The following NLRP5 variants were observed in gnomAD, a reference collection of about 807,000 sequenced individuals.
The protein encoded by NLRP5 is NLR family pyrin domain containing 5.
NLRP5 carries 93 observed loss-of-function variants against 113.1 expected under a neutral mutation model. The ratio of observed to expected loss-of-function variants is 0.82; its 90% CI spans 0.70 to 0.98. NLRP5 has a LOEUF of 0.98. NLRP5 is among the 50% of genes least tolerant of loss of function. The probability of loss-of-function intolerance (pLI) is 0.00; values close to 1 mark genes in which losing one functional copy is unlikely to be tolerated. For missense variants in NLRP5, 1,808 were observed against 1,514.3 expected (o/e 1.19, Z -3.22); for synonymous variants, 751 against 600.7 (o/e 1.25, Z -3.66).
At chr19:56,061,270 TG>T in intron 14 of NLRP5, 125 bp from the exon 15 acceptor site, 1 of 940,908 alleles carries the variant, frequency 1.1e-6, no homozygotes, top group Non-Finnish European at 1.5e-6. Flanking sequence ...TTTAACTCTT[TG>T]GGGCACGTTC....
At chr19:56,048,979 A>T (rs1268883333) in intron 11 of NLRP5, among the ~76,000 whole-genome samples, 190 of 94,940 alleles carry the variant, frequency 2.0e-3, no homozygotes, top group African/African-American at 6.0e-3. Flanking sequence ...TTTTTTTTTA[A>T]TTTTTTTTTT....
chr19:56,043,866 C>G (rs890078654), intron 11 of NLRP5, among the ~76,000 whole-genome samples: 2 of 151,576 alleles, frequency 1.3e-5, no homozygotes, highest in African/African-American at 2.4e-5. Flanking sequence ...CGTGAGCCAC[C>G]ACGCCTGGCC....
At position 56,053,898 on chromosome 19, in the gene NLRP5, C is replaced by G. The variant is rs145154491; in HGVS notation, c.3299+90C>G. On this transcript the variant is annotated intron_variant, in intron 13 of 14. Transcript: ENST00000390649. ...TTGCTTGAACAGGGATGATGATGAT[C>G]TGGTTTCCATGAGTCCCTCAAGTTA... 1,016 of 1,241,784 alleles carry G rather than the reference C, an allele frequency of 8.2e-4. 4 individuals are homozygous for G. In the African/African-American group the frequency reaches 0.01, roughly 12 times the overall value. 76.9% of individuals were successfully genotyped at this position (1,241,784 alleles called of 1,614,324 possible).
intron 11 of NLRP5, among the ~76,000 whole-genome samples, chr19:56,042,127 A>G (rs1018657257): frequency 6.6e-6 from 1 of 152,204 alleles, no homozygotes; most frequent in Non-Finnish European, 1.5e-5. Flanking sequence ...CACATGCATG[A>G]CCAGGAAGGA....
the NLRP5 span, among the ~76,000 whole-genome samples, chr19:55,992,416 T>C: frequency 6.6e-6 from 1 of 152,226 alleles, no homozygotes; most frequent in African/African-American, 2.4e-5. Context: ...CCAACGCTAC[T>C]GCTTTTAGCT....
chr19:56,024,404 A>G (rs945089786), intron 6 of NLRP5, among the ~76,000 whole-genome samples: 2 of 126,170 alleles, frequency 1.6e-5, no homozygotes, highest in African/African-American at 6.1e-5. Flanking sequence ...ACATATATGT[A>G]CATATATGTA....
intron 6 of NLRP5, among the ~76,000 whole-genome samples, chr19:56,025,561 A>G (rs956374704): frequency 1.3e-4 from 15 of 113,374 alleles, no homozygotes; most frequent in African/African-American, 4.8e-4. Context: ...GCCCGCCAAC[A>G]TGTCTGGCTA....
At chr19:56,038,309 G>A in intron 10 of NLRP5, 114 bp downstream of exon 10, 2 of 1,201,882 alleles carry the variant, frequency 1.7e-6, no homozygotes. Flanking sequence ...AACCAGGGGT[G>A]AGGAAGGAAG....
At chr19:56,021,345 A>G (rs1296371079) in intron 6 of NLRP5, among the ~76,000 whole-genome samples, 1 of 152,198 alleles carries the variant, frequency 6.6e-6, no homozygotes, top group Non-Finnish European at 1.5e-5. Flanking sequence ...TTAGGATTTT[A>G]TATACCATAA....
At chr19:55,999,037 C>A (rs1981497792), upstream of NLRP5, among the ~76,000 whole-genome samples, 1 of 151,692 alleles carries the variant, frequency 6.6e-6, no homozygotes, top group Non-Finnish European at 1.5e-5. Context: ...TGCAGGGGAT[C>A]CCTAAAACTC....
At chr19:56,048,720 T>C (rs1043310852) in intron 11 of NLRP5, among the ~76,000 whole-genome samples, 9 of 152,106 alleles carry the variant, frequency 5.9e-5, no homozygotes, top group African/African-American at 2.2e-4. Flanking sequence ...TGTGATTAAT[T>C]TCCTGGGTGT....
intron 7 of NLRP5, among the ~76,000 whole-genome samples, chr19:56,032,032 C>T (rs114320589): frequency 0.013 from 1,960 of 152,106 alleles, 38 homozygotes; most frequent in African/African-American, 0.044. Flanking sequence ...TCAAGTGGGG[C>T]TGGAATTGAA....
intron 13 of NLRP5, among the ~76,000 whole-genome samples, chr19:56,055,739 G>T (rs186480440): frequency 2.0e-5 from 3 of 151,210 alleles, no homozygotes; most frequent in Admixed American, 6.6e-5. Flanking sequence ...TAGAGACGGG[G>T]TTTCACCGTG....
chr19:55,997,062 T>G (rs1174223163), upstream of NLRP5, among the ~76,000 whole-genome samples: 1 of 152,226 alleles, frequency 6.6e-6, no homozygotes, highest in Admixed American at 6.5e-5. Flanking sequence ...ATTGTGGTTT[T>G]GATTTGCATT....
intron 2 of NLRP5, among the ~76,000 whole-genome samples, chr19:56,005,991 A>G (rs1981895361): frequency 6.6e-6 from 1 of 152,200 alleles, no homozygotes; most frequent in Non-Finnish European, 1.5e-5. Context: ...ACATTCATCT[A>G]CCGTGGCATA....
chr19:56,006,427 TAAA>T (rs148833780), intron 2 of NLRP5, among the ~76,000 whole-genome samples: 4,420 of 151,510 alleles, frequency 0.029, 82 homozygotes, highest in Non-Finnish European at 0.037. Context: ...AGTATAATTT[TAAA>T]AAAAAAATGG....
upstream of NLRP5, chr19:55,999,670 C>CT (rs1555762704): frequency 7.4e-7 from 1 of 1,343,120 alleles, no homozygotes; most frequent in Non-Finnish European, 1.1e-6. Context: ...TGATTTCCAG[C>CT]TTCCAGAGGA....
intron 3 of NLRP5, among the ~76,000 whole-genome samples, chr19:56,012,126 T>G (rs184256157): frequency 1.2e-4 from 18 of 151,972 alleles, no homozygotes; most frequent in Admixed American, 9.9e-4. Flanking sequence ...CAAGGAAAGG[T>G]GTTCTTCCCG....
chr19:55,987,816 G>A, the NLRP5 span: 1 of 1,612,872 alleles, frequency 6.2e-7, no homozygotes, highest in Non-Finnish European at 8.5e-7. Context: ...CCCTCCAGCT[G>A]TATTCCTGCC....
Sources: allele counts gnomAD v4.1 joint callset (sites outside exome capture counted in the v4.1 genomes callset), GRCh38; gene constraint gnomAD v4.1.1; transcripts MANE v1.5; gene names NCBI Gene and HGNC (gene_info 2026-07-23, HGNC 2026-07-21).